PCSK2: variants seen among roughly 807,000 people sequenced by gnomAD.
PCSK2 encodes proprotein convertase subtilisin/kexin type 2.
Under a neutral mutation model 69.7 loss-of-function variants are expected in PCSK2, and 14 were observed. That is an observed-to-expected ratio of 0.20 (90% CI 0.13 to 0.31). The LOEUF (loss-of-function observed/expected upper bound fraction) is 0.31. Ranked by LOEUF, PCSK2 falls within the 10% of genes least tolerant of loss-of-function variation. The pLI is 1.00. For synonymous variants in PCSK2, 307 were observed against 320.7 expected, an observed-to-expected ratio of 0.96 and a Z score of 0.46; for missense variants, 544 against 842.5, an observed-to-expected ratio of 0.65 and a Z score of 4.39.
At chr20:17,262,259 G>C (rs1030690762) in intron 2 of PCSK2, among the ~76,000 whole-genome samples, 2 of 152,120 alleles carry the variant, frequency 1.3e-5, no homozygotes, top group Non-Finnish European at 1.5e-5. Context: ...TAAGGATCCA[G>C]GTAGCCAATT....
chr20:17,259,953 A>T (rs572639760), intron 1 of PCSK2, among the ~76,000 whole-genome samples: 1 of 152,286 alleles, frequency 6.6e-6, no homozygotes, highest in South Asian at 2.1e-4. Flanking sequence ...TCCATGGAAA[A>T]GGAAAGGGAA....
intron 11 of PCSK2, among the ~76,000 whole-genome samples, chr20:17,473,539 C>G (rs1045264583): frequency 6.6e-6 from 1 of 152,170 alleles, no homozygotes; most frequent in Non-Finnish European, 1.5e-5. Flanking sequence ...CCTATTTAAC[C>G]TTCTTATAAA....
intron 5 of PCSK2, among the ~76,000 whole-genome samples, chr20:17,391,976 G>A (rs188938492): frequency 2.4e-3 from 273 of 112,150 alleles, no homozygotes; most frequent in African/African-American, 9.1e-3. Context: ...AAGGAAGGAA[G>A]GGAAGGGAAG....
At chr20:17,288,063 C>T (rs562546887) in intron 2 of PCSK2, among the ~76,000 whole-genome samples, 1 of 152,322 alleles carries the variant, frequency 6.6e-6, no homozygotes, top group East Asian at 1.9e-4. Context: ...CAGGCTGGAT[C>T]ACACAGCTGT....
At chr20:17,309,629 C>A (rs1411007238) in intron 2 of PCSK2, among the ~76,000 whole-genome samples, 1 of 152,010 alleles carries the variant, frequency 6.6e-6, no homozygotes, top group Non-Finnish European at 1.5e-5. Context: ...ACCAGCCTGG[C>A]CAACATGGTG....
chr20:17,386,004 A>C (rs1163194810), intron 5 of PCSK2, among the ~76,000 whole-genome samples: 1 of 152,232 alleles, frequency 6.6e-6, no homozygotes, highest in Non-Finnish European at 1.5e-5. Context: ...AAATGCTGAC[A>C]GATGGAAGTT....
At chr20:17,478,171 T>G (rs1401159807) in intron 11 of PCSK2, among the ~76,000 whole-genome samples, 1 of 152,240 alleles carries the variant, frequency 6.6e-6, no homozygotes. Flanking sequence ...CTTTTCATTT[T>G]GCTTACTTCT....
At chr20:17,259,941 G>T (rs1013884311) in intron 1 of PCSK2, among the ~76,000 whole-genome samples, 13 of 152,118 alleles carry the variant, frequency 8.5e-5, no homozygotes, top group Admixed American at 4.6e-4. Flanking sequence ...TAAAGGCAAG[G>T]CTCCATGGAA....
chr20:17,277,413 C>T (rs545732706), intron 2 of PCSK2, among the ~76,000 whole-genome samples: 11 of 152,216 alleles, frequency 7.2e-5, no homozygotes, highest in East Asian at 3.9e-4. Context: ...GAAATAATGC[C>T]GCATGTCTAC....
At chr20:17,330,741 A>G (rs949748811) in intron 2 of PCSK2, among the ~76,000 whole-genome samples, 3 of 152,216 alleles carry the variant, frequency 2.0e-5, no homozygotes, top group African/African-American at 4.8e-5. Flanking sequence ...GGAAGTCTAC[A>G]GGTGGCCAGG....
At chr20:17,391,297 C>A (rs2031365689) in intron 5 of PCSK2, among the ~76,000 whole-genome samples, 1 of 152,082 alleles carries the variant, frequency 6.6e-6, no homozygotes, top group African/African-American at 2.4e-5. Flanking sequence ...TTCTCCGATG[C>A]CCTTGAAAAG....
chr20:17,355,119 T>G (rs530147175), intron 2 of PCSK2, among the ~76,000 whole-genome samples: 7 of 152,278 alleles, frequency 4.6e-5, no homozygotes, highest in African/African-American at 1.7e-4. Context: ...TAAAACCTAA[T>G]TTATGGAATT....
chr20:17,427,845 C>G (rs541484612), intron 6 of PCSK2, among the ~76,000 whole-genome samples: 1 of 152,142 alleles, frequency 6.6e-6, no homozygotes, highest in South Asian at 2.1e-4. Flanking sequence ...ATCCAATAGG[C>G]TAGCCCGGGC....
chr20:17,392,690 C>G (rs767212722), intron 5 of PCSK2, among the ~76,000 whole-genome samples: 7 of 152,174 alleles, frequency 4.6e-5, no homozygotes, highest in Non-Finnish European at 1.0e-4. Context: ...ATACAGTATA[C>G]AGCCTTTGAG....
intron 1 of PCSK2, among the ~76,000 whole-genome samples, chr20:17,258,575 A>G (rs1987264258): frequency 6.6e-6 from 1 of 152,216 alleles, no homozygotes; most frequent in South Asian, 2.1e-4. Context: ...CAGCCATTCA[A>G]AAGAAGGAAG....
At chr20:17,372,385 T>TGATA (rs1334648698) in intron 5 of PCSK2, among the ~76,000 whole-genome samples, 4 of 141,908 alleles carry the variant, frequency 2.8e-5, no homozygotes, top group African/African-American at 1.0e-4. Context: ...TCTTGAAAAA[T>TGATA]AATAAATAAA....
chr20:17,293,102 G>A (rs534862222), intron 2 of PCSK2, among the ~76,000 whole-genome samples: 25 of 152,170 alleles, frequency 1.6e-4, no homozygotes, highest in Non-Finnish European at 3.2e-4. Flanking sequence ...TGAAATTACA[G>A]GCATGAGCCA....
chr20:17,244,092 C>T (rs1986685847), intron 1 of PCSK2, among the ~76,000 whole-genome samples: 1 of 152,176 alleles, frequency 6.6e-6, no homozygotes, highest in South Asian at 2.1e-4. Context: ...TTAGAAAACA[C>T]ACACACACCA....
intron 2 of PCSK2, among the ~76,000 whole-genome samples, chr20:17,278,221 T>G (rs1326755448): frequency 6.6e-6 from 1 of 152,158 alleles, no homozygotes; most frequent in Non-Finnish European, 1.5e-5. Context: ...CATTACTGGG[T>G]ATATAACCAA....
Sources: gnomAD v4.1 joint callset for allele counts (sites outside exome capture counted in the v4.1 genomes callset) on GRCh38, gnomAD v4.1.1 for gene constraint, MANE v1.5 for transcripts, NCBI Gene and HGNC (gene_info 2026-07-23, HGNC 2026-07-21) for gene names.